GRM8: variants seen among roughly 807,000 people sequenced by gnomAD.
The protein encoded by GRM8 is metabotropic glutamate receptor 8.
A neutral mutation model predicts 87.2 loss-of-function variants in GRM8; 47 were observed. The ratio of observed to expected loss-of-function variants is 0.54; its 90% CI spans 0.43 to 0.69. The LOEUF is 0.69. Among genes scored for constraint, GRM8 ranks in the 30% least tolerant of loss-of-function variants. The probability of loss-of-function intolerance (pLI) is 0.00; values close to 1 mark genes in which losing one functional copy is unlikely to be tolerated. For missense variants in GRM8, 1,019 were observed against 1,139.2 expected, an observed-to-expected ratio of 0.89 and a Z score of 1.52; for synonymous variants, 396 against 404.5, an observed-to-expected ratio of 0.98 and a Z score of 0.25.
intron 3 of GRM8, among the ~76,000 whole-genome samples, chr7:127,071,023 G>A (rs891522450): frequency 6.6e-6 from 1 of 151,952 alleles, no homozygotes; most frequent in African/African-American, 2.4e-5. Flanking sequence ...CTTCCAAATC[G>A]TCTAGCTAGT....
At chr7:126,963,798 G>A (rs1047764046) in intron 3 of GRM8, among the ~76,000 whole-genome samples, 40 of 152,092 alleles carry the variant, frequency 2.6e-4, no homozygotes, top group Non-Finnish European at 3.4e-4. Context: ...CTTTCTTCAC[G>A]GAACTGGAGA....
At chr7:126,978,220 G>A (rs1811198886) in intron 3 of GRM8, among the ~76,000 whole-genome samples, 1 of 151,996 alleles carries the variant, frequency 6.6e-6, no homozygotes, top group Non-Finnish European at 1.5e-5. Flanking sequence ...AAAGACAGGA[G>A]AGGAGAGGAA....
intron 7 of GRM8, among the ~76,000 whole-genome samples, chr7:126,748,242 T>C (rs1335739822): frequency 2.0e-5 from 3 of 152,056 alleles, no homozygotes; most frequent in African/African-American, 7.2e-5. Flanking sequence ...GTAGATAATA[T>C]GATTAAGTTG....
chr7:126,534,007 T>A (rs894429828), intron 8 of GRM8, 120 bp from the exon 9 acceptor site: 1 of 740,476 alleles, frequency 1.4e-6, no homozygotes, highest in African/African-American at 1.8e-5. Context: ...TTTACCATAA[T>A]AAGAGTCTCG....
chr7:127,051,737 A>AG (rs1316790985), intron 3 of GRM8, among the ~76,000 whole-genome samples: 6 of 124,876 alleles, frequency 4.8e-5, no homozygotes, highest in African/African-American at 1.9e-4. Flanking sequence ...CATAATGTTG[A>AG]GCAAAAAAAA....
intron 3 of GRM8, among the ~76,000 whole-genome samples, chr7:127,022,795 C>T (rs1469245755): frequency 1.3e-5 from 2 of 152,042 alleles, no homozygotes; most frequent in African/African-American, 4.8e-5. Context: ...AATTTTACAG[C>T]TTTTTACAAT....
At chr7:126,478,725 G>A (rs1220739828) in intron 9 of GRM8, among the ~76,000 whole-genome samples, 1 of 151,942 alleles carries the variant, frequency 6.6e-6, no homozygotes, top group African/African-American at 2.4e-5. Context: ...AAAGTATCAG[G>A]GCTTTGGGAT....
chr7:126,797,781 A>T lies in GRM8; in HGVS notation c.1157-27716T>A, dbSNP rs541907084. ...TACTATTCTAAAATCTGTACCTAGG[A>T]CTAAGATTGTGTAAAACAACAAAGG... On this transcript the variant is annotated intron_variant, in intron 6 of 10. Transcript: ENST00000339582. 6.8e-4 allele frequency among the ~76,000 whole-genome samples: 103 copies of T among 152,220 alleles called. 2 individuals are homozygous for T. In the South Asian group the frequency reaches 0.014, roughly 20 times the overall value.
intron 9 of GRM8, among the ~76,000 whole-genome samples, chr7:126,489,383 C>G (rs1027193422): frequency 6.6e-6 from 1 of 152,056 alleles, no homozygotes; most frequent in Admixed American, 6.6e-5. Context: ...ACAATGGAGA[C>G]ATCTTTGAGA....
intron 3 of GRM8, chr7:127,105,351 C>A (rs1484007325): frequency 6.6e-6 from 1 of 151,726 alleles, no homozygotes; most frequent in Non-Finnish European, 1.5e-5. Context: ...TCCAACAAGA[C>A]CAGGCCTTTC....
chr7:126,857,956 G>A (rs1026971239), intron 6 of GRM8, among the ~76,000 whole-genome samples: 2 of 152,034 alleles, frequency 1.3e-5, no homozygotes, highest in Admixed American at 6.6e-5. Context: ...CTAAAGAAGG[G>A]GAAGGAAGGA....
chr7:126,534,022 T>G, intron 8 of GRM8, 135 bp from the exon 9 acceptor site: 1 of 666,224 alleles, frequency 1.5e-6, no homozygotes, highest in Non-Finnish European at 2.5e-6. Flanking sequence ...GTCTCGTTTT[T>G]TTTCCCCTGA....
intron 9 of GRM8, among the ~76,000 whole-genome samples, chr7:126,499,213 T>C (rs1234602431): frequency 1.3e-5 from 2 of 151,648 alleles, no homozygotes; most frequent in Non-Finnish European, 2.9e-5. Context: ...TTTTTTTTTA[T>C]TTTCTTAAGG....
intron 6 of GRM8, among the ~76,000 whole-genome samples, chr7:126,775,441 A>G (rs2299519): frequency 0.46 from 68,369 of 147,374 alleles, 16,189 homozygotes; most frequent in African/African-American, 0.52. Flanking sequence ...GAACCACATC[A>G]CACACTAAAG....
At chr7:127,064,918 G>A (rs765683618) in intron 3 of GRM8, among the ~76,000 whole-genome samples, 2 of 152,214 alleles carry the variant, frequency 1.3e-5, no homozygotes, top group Admixed American at 6.5e-5. Context: ...CTGTTGGTGG[G>A]AGTGCAAATT....
At chr7:126,628,445 C>T (rs1361852926) in intron 7 of GRM8, among the ~76,000 whole-genome samples, 1 of 152,048 alleles carries the variant, frequency 6.6e-6, no homozygotes, top group Non-Finnish European at 1.5e-5. Context: ...CCTAAATGCC[C>T]ACAGGATAGT....
intron 7 of GRM8, among the ~76,000 whole-genome samples, chr7:126,744,973 A>G (rs980936928): frequency 5.3e-5 from 8 of 151,282 alleles, no homozygotes; most frequent in South Asian, 2.1e-4. Context: ...TTGATTTATT[A>G]TTATTTTTAG....
chr7:126,688,739 G>GACACACACACACAC lies in GRM8; in HGVS notation c.1358-79255_1358-79242dup, dbSNP rs3831573. 6.1e-3 allele frequency among the ~76,000 whole-genome samples: 888 copies of GACACACACACACAC among 145,796 alleles called. 9 individuals are homozygous for GACACACACACACAC. Among genetic ancestry groups the GACACACACACACAC allele is most frequent in the Middle Eastern group, 0.021 (6 of 290 alleles). ...CCCTATTTTCTCTCTCTCTCTTTCT[G>GACACACACACACAC]ACACACACACACACACACACACACA... On this transcript the variant is annotated intron_variant, in intron 7 of 10. Coordinates refer to ENST00000339582, the MANE Select transcript of GRM8 (RefSeq NM_000845.3).
chr7:126,620,525 G>A (rs887881649), intron 7 of GRM8, among the ~76,000 whole-genome samples: 2 of 151,402 alleles, frequency 1.3e-5, no homozygotes, highest in Non-Finnish European at 2.9e-5. Context: ...TTTTTCAAAT[G>A]TTGGCTCTTT....
Sources: allele counts gnomAD v4.1 joint callset (sites outside exome capture counted in the v4.1 genomes callset), GRCh38; gene constraint gnomAD v4.1.1; transcripts MANE v1.5; gene names NCBI Gene and HGNC (gene_info 2026-07-23, HGNC 2026-07-21).